Variants in ADCK5 observed in about 807,000 individuals in gnomAD.
The protein encoded by ADCK5 is uncharacterized aarF domain-containing protein kinase 5.
A neutral mutation model predicts 64.9 loss-of-function variants in ADCK5; 43 were observed. That is an observed-to-expected ratio of 0.66 (90% confidence interval 0.52 to 0.85). The LOEUF (loss-of-function observed/expected upper bound fraction) is 0.85. Among genes scored for constraint, ADCK5 ranks in the 40% least tolerant of loss-of-function variants. ADCK5 has a pLI of 0.00. For missense variants in ADCK5, 760 were observed against 810.5 expected (o/e 0.94, Z 0.76); for synonymous variants, 434 against 342.8 (o/e 1.27, Z -2.94).
At chr8:144,375,254 G>T (rs970552607) in intron 1 of ADCK5, among the ~76,000 whole-genome samples, 22 of 152,236 alleles carry the variant, frequency 1.4e-4, no homozygotes, top group African/African-American at 5.1e-4. Context: ...GCTGGGTCCA[G>T]GCGGCGTTTG....
intron 2 of ADCK5, among the ~76,000 whole-genome samples, chr8:144,382,638 C>G (rs1384242771): frequency 6.6e-6 from 1 of 152,226 alleles, no homozygotes; most frequent in Admixed American, 6.5e-5. Flanking sequence ...TACTGTCATG[C>G]GACTCAGCAC....
At chr8:144,387,860 T>C (rs1554859556) in intron 3 of ADCK5, among the ~76,000 whole-genome samples, 1 of 150,288 alleles carries the variant, frequency 6.7e-6, no homozygotes, top group Non-Finnish European at 1.5e-5. Flanking sequence ...GCCTCCTTAG[T>C]AGCTGGGGAT....
In ADCK5 at chr8:144,376,650, T is replaced by C. The variant is rs1554857214; in HGVS notation, c.12+2543T>C. 6.6e-6 allele frequency among the ~76,000 whole-genome samples: 1 copy of C among 152,178 alleles called. No homozygotes were observed. The highest frequency in any genetic ancestry group is 1.5e-5 in the Non-Finnish European group (1 of 68,018). On this transcript the variant is annotated intron_variant, in intron 1 of 14. Transcript: ENST00000308860. The surrounding 1 kb of genome is among the most constrained non-coding windows in gnomAD (Gnocchi z 5.1). ...AACAGCTTGCGTTGCTGGTCATGGA[T>C]GAGGTGGGCAGTGGCTGGGATAGCC...
intron 2 of ADCK5, among the ~76,000 whole-genome samples, chr8:144,379,911 G>A (rs1310852070): frequency 1.3e-5 from 2 of 152,326 alleles, no homozygotes; most frequent in Admixed American, 6.5e-5. Flanking sequence ...CAGCAAGTCC[G>A]GACCACAGTG....
intron 2 of ADCK5, 36 bp from the exon 3 acceptor site, chr8:144,383,045 G>C (rs2130703845): frequency 1.3e-6 from 2 of 1,569,846 alleles, no homozygotes; most frequent in Non-Finnish European, 1.7e-6. Context: ...CTGAATGTGG[G>C]GGGCGGCGCC....
Position 144,393,000 on chromosome 8 carries a change from C to T in ADCK5, c.1669C>T (p.Leu557Phe). Reference sequence around the variant, plus strand: ...GACCTTGGCCATGCGGCTGACCGCCCTCCTGGCTCGTGCTCTGGTCCACCT... The same window carrying T: ...GACCTTGGCCATGCGGCTGACCGCCTTCCTGGCTCGTGCTCTGGTCCACCT... ...LETLAMRLTA[L>F]LARALVHLSL... Residue 557 changes from leucine (L) to phenylalanine (F), a missense_variant, in exon 15 of 15, where the codon CTC becomes TTC. Around this residue, in one of 2 missense-constraint regions of ADCK5, gnomAD observed 333 missense variants for 292.0 expected, o/e 1.14. Coordinates refer to ENST00000308860, the MANE Select transcript of ADCK5 (RefSeq NM_174922.5). 3 of 1,589,314 alleles carry T rather than the reference C, an allele frequency of 1.9e-6. No homozygotes were observed. The highest frequency in any genetic ancestry group is 2.6e-6 in the Non-Finnish European group (3 of 1,171,232).
At chr8:144,381,062 G>A (rs1392753894) in intron 2 of ADCK5, among the ~76,000 whole-genome samples, 1 of 150,088 alleles carries the variant, frequency 6.7e-6, no homozygotes, top group East Asian at 2.0e-4. Context: ...AGAAACAGAT[G>A]TGTGCTCAGG....
chr8:144,379,525 C>A, intron 2 of ADCK5, 35 bp downstream of exon 2: 1 of 1,518,508 alleles, frequency 6.6e-7, no homozygotes, highest in Admixed American at 1.8e-5. Flanking sequence ...GCCTCTCACC[C>A]AGGCAGGCAT....
intron 3 of ADCK5, among the ~76,000 whole-genome samples, chr8:144,388,315 C>G (rs535432363): frequency 7.4e-5 from 11 of 148,580 alleles, no homozygotes; most frequent in African/African-American, 2.7e-4. Context: ...CTAGACTGTG[C>G]CACTGCACTC....
chr8:144,392,290 C>T lies in ADCK5; in HGVS notation c.1212C>T (p.Ile404=). The T allele has an allele frequency of 6.6e-7, 1 of 1,516,398 alleles. No homozygotes were observed. Among genetic ancestry groups the T allele is most frequent in the Non-Finnish European group, 8.8e-7 (1 of 1,135,324 alleles). 93.9% of individuals were successfully genotyped at this position (1,516,398 alleles called of 1,614,324 possible). A position where few individuals can be genotyped will look rare whatever the true frequency, so the allele number is the denominator to read the frequency against. The change falls in exon 12 of 15, where the codon ATC becomes ATT. Residue 404 remains isoleucine (I), a synonymous_variant. Coordinates refer to ENST00000308860, the MANE Select transcript of ADCK5 (RefSeq NM_174922.5). ...RAALCQLWRA[I]ILRDDAAMRA... ...CCCTCTGCCAGCTGTGGCGGGCCAT[C>T]ATCCTGCGGGACGACGCCGCCATGA...
At chr8:144,386,618 A>T (rs1249251744) in intron 3 of ADCK5, among the ~76,000 whole-genome samples, 1 of 152,200 alleles carries the variant, frequency 6.6e-6, no homozygotes, top group Non-Finnish European at 1.5e-5. Context: ...TCGGACTCCC[A>T]AAGTGCTGGG....
In ADCK5 at chr8:144,393,089, G is replaced by C; in HGVS notation, c.*15G>C. The C allele has an allele frequency of 6.5e-7, 1 of 1,536,704 alleles. No individual in the cohort carries two copies. The highest frequency in any genetic ancestry group is 8.7e-7 in the Non-Finnish European group (1 of 1,146,062). ...TGGAGACCTAGGGTGCAGCCGCCCA[G>C]GGCCGGCGGGGCCCTTTTCACCTTG... On this transcript the variant is annotated 3_prime_UTR_variant, in exon 15 of 15. Coordinates refer to ENST00000308860, the MANE Select transcript of ADCK5 (RefSeq NM_174922.5).
In ADCK5 at chr8:144,374,074, A is replaced by C. The variant is rs1344175823; in HGVS notation, c.-22A>C. On this transcript the variant is annotated 5_prime_UTR_variant, in exon 1 of 15. Transcript: ENST00000308860. ...GACGCTAAGCGGCGCCGGGCGGGAGAAGAGCGGAGCAGTGGTCGGAGATGT... is the reference window on the plus strand; with the variant it reads ...GACGCTAAGCGGCGCCGGGCGGGAGCAGAGCGGAGCAGTGGTCGGAGATGT... The C allele has an allele frequency of 4.8e-6, 6 of 1,246,890 alleles. No individual in the cohort carries two copies. Among genetic ancestry groups the C allele is most frequent in the Non-Finnish European group, 5.1e-6 (5 of 988,530 alleles). The allele number at this position is 1,246,890 out of a possible 1,614,324, so 77.2% of individuals were successfully genotyped here.
rs1554861692 is a variant in ADCK5 at position 144,393,012 on chromosome 8, G to A, written c.1681G>A (p.Ala561Thr). The A allele has an allele frequency of 1.3e-6, 2 of 1,591,144 alleles. No individual in the cohort carries two copies. The highest frequency in any genetic ancestry group is 1.7e-5 in the Admixed American group (1 of 57,332). ...GCGGCTGACCGCCCTCCTGGCTCGT[G>A]CTCTGGTCCACCTGAGCCTCGTGCC... The part of the protein sequence containing the change: ...AMRLTALLAR[A>T]LVHLSLVPPA... The change falls in exon 15 of 15, where the codon GCT becomes ACT. Residue 561 changes from alanine (A) to threonine (T), a missense_variant. By Grantham distance (58) the Ala-to-Thr change is moderately conservative. This residue lies in a region of ADCK5 where 333 missense variants were observed against 292.0 expected (regional missense o/e 1.14). Transcript: ENST00000308860.
chr8:144,375,388 G>A, intron 1 of ADCK5: 1 of 895,382 alleles, frequency 1.1e-6, no homozygotes, highest in Non-Finnish European at 1.3e-6. Context: ...ACAATTATGT[G>A]CCTCAGTTTC....
intron 2 of ADCK5, among the ~76,000 whole-genome samples, chr8:144,381,368 C>A (rs1388271034): frequency 6.8e-6 from 1 of 146,606 alleles, no homozygotes; most frequent in African/African-American, 2.6e-5. Context: ...GAATTATGGG[C>A]CGGGTGTAGA....
In ADCK5 at chr8:144,392,666, C is replaced by T. The variant is rs1554861448; in HGVS notation, c.1489C>T (p.Pro497Ser). The change falls in exon 13 of 15, where the codon CCC (proline) becomes TCC (serine). Residue 497 changes from proline (P) to serine (S), a missense_variant. Pro to Ser is a moderately conservative substitution (Grantham distance 74). This residue lies in a region of ADCK5 where 333 missense variants were observed against 292.0 expected (regional missense o/e 1.14). Transcript: ENST00000308860. ...CGCTATCAACGTGGCCCTCGGCGCC[C>T]CCGTGGACCGCTACTTCCTTATGGC... is the stretch of plus-strand genomic sequence containing the variant. ...VRAINVALGAPVDRYFLMAKR... is the reference protein window; with the variant it reads ...VRAINVALGASVDRYFLMAKR... The T allele has an allele frequency of 6.3e-7, 1 of 1,594,598 alleles. No individual in the cohort carries two copies. Among genetic ancestry groups the T allele is most frequent in the Non-Finnish European group, 8.5e-7 (1 of 1,171,776 alleles).
At chr8:144,390,828 C>A in intron 4 of ADCK5, 28 bp from the exon 5 acceptor site, 1 of 1,609,056 alleles carries the variant, frequency 6.2e-7, no homozygotes, top group Non-Finnish European at 8.5e-7. Flanking sequence ...CACCTGTCCC[C>A]ATGTGTTCTC....
chr8:144,381,462 C>G (rs1202053074), intron 2 of ADCK5, among the ~76,000 whole-genome samples: 151 of 117,586 alleles, frequency 1.3e-3, no homozygotes, highest in African/African-American at 4.6e-3. Flanking sequence ...ACCTGCCGCA[C>G]TCAGGATTAT....
Sources: allele counts gnomAD v4.1 joint callset (sites outside exome capture counted in the v4.1 genomes callset), GRCh38; gene constraint gnomAD v4.1.1; regional missense constraint gnomAD v4.1.1; non-coding constraint Gnocchi (gnomAD v3.1); transcripts MANE v1.5; gene names NCBI Gene and HGNC (gene_info 2026-07-23, HGNC 2026-07-21).